KHDRBS2: variants seen among roughly 807,000 people sequenced by gnomAD.
KHDRBS2 encodes KH RNA binding domain containing, signal transduction associated 2, also known as KH domain-containing, RNA-binding, signal transduction-associated protein 2.
Under a neutral mutation model 44.3 loss-of-function variants are expected in KHDRBS2, and 26 were observed. The ratio of observed to expected loss-of-function variants is 0.59; its 90% CI spans 0.43 to 0.81. The LOEUF (loss-of-function observed/expected upper bound fraction) is 0.81. Among genes scored for constraint, KHDRBS2 ranks in the 40% least tolerant of loss-of-function variants. KHDRBS2 has a pLI of 0.00. For missense variants in KHDRBS2, 476 were observed against 433.1 expected (o/e 1.10, Z -0.88); for synonymous variants, 194 against 151.1 (o/e 1.28, Z -2.08).
chr6:61,836,835 G>A (rs1177901626), intron 6 of KHDRBS2, among the ~76,000 whole-genome samples: 2 of 152,000 alleles, frequency 1.3e-5, no homozygotes, highest in Non-Finnish European at 2.9e-5. Flanking sequence ...ATTACTTTTG[G>A]AGGCCAAAGT....
chr6:61,603,080 G>A, the KHDRBS2 span, among the ~76,000 whole-genome samples: 34 of 152,048 alleles, frequency 2.2e-4, no homozygotes, highest in African/African-American at 6.8e-4. Flanking sequence ...CCCTTACCCC[G>A]CTCAATGCCA....
chr6:61,715,701 G>A (rs1157281481), intron 7 of KHDRBS2, among the ~76,000 whole-genome samples: 4 of 151,714 alleles, frequency 2.6e-5, no homozygotes, highest in Non-Finnish European at 4.4e-5. Flanking sequence ...TTATTTGAGT[G>A]TCTCTCTTCT....
At chr6:61,810,225 G>C (rs189083673) in intron 6 of KHDRBS2, among the ~76,000 whole-genome samples, 1 of 151,978 alleles carries the variant, frequency 6.6e-6, no homozygotes, top group Admixed American at 6.6e-5. Flanking sequence ...TGAGAGCGAG[G>C]TCAGGTTACT....
intron 1 of KHDRBS2, among the ~76,000 whole-genome samples, chr6:62,282,719 T>G (rs1236158218): frequency 6.6e-6 from 1 of 152,182 alleles, no homozygotes; most frequent in Admixed American, 6.5e-5. Flanking sequence ...TATTAATCAT[T>G]AAACTAGGAA....
At chr6:62,014,076 T>C (rs1780773320) in intron 3 of KHDRBS2, among the ~76,000 whole-genome samples, 1 of 152,206 alleles carries the variant, frequency 6.6e-6, no homozygotes, top group South Asian at 2.1e-4. Context: ...CACTGATTAA[T>C]ATTTCTAAGA....
intron 4 of KHDRBS2, among the ~76,000 whole-genome samples, chr6:61,973,222 A>T (rs189153151): frequency 6.6e-6 from 1 of 152,330 alleles, no homozygotes; most frequent in South Asian, 2.1e-4. Context: ...TATATTTATC[A>T]TCTTCTAAAA....
intron 1 of KHDRBS2, among the ~76,000 whole-genome samples, chr6:62,226,720 C>T (rs1831900169): frequency 6.6e-6 from 1 of 152,076 alleles, no homozygotes; most frequent in Non-Finnish European, 1.5e-5. Context: ...AGGTAGGGGT[C>T]CAGTTTCAGT....
intron 1 of KHDRBS2, among the ~76,000 whole-genome samples, chr6:62,197,002 CAGTATAAAAATCACAGTGT>C (rs1825844829): frequency 6.6e-6 from 1 of 151,964 alleles, no homozygotes; most frequent in Non-Finnish European, 1.5e-5. Flanking sequence ...TCTAGCACTG[CAGTATAAAAATCACAGTGT>C]AGTATAAAAA....
chr6:61,560,622 A>T, the KHDRBS2 span, among the ~76,000 whole-genome samples: 1 of 152,064 alleles, frequency 6.6e-6, no homozygotes, highest in African/African-American at 2.4e-5. Flanking sequence ...TCAGTATTCC[A>T]ATTGCATTTT....
intron 6 of KHDRBS2, among the ~76,000 whole-genome samples, chr6:61,793,078 T>A (rs372192155): frequency 6.6e-6 from 1 of 152,108 alleles, no homozygotes; most frequent in South Asian, 2.1e-4. Context: ...AAGAAGAGAA[T>A]GCTCAGAAAC....
chr6:61,953,012 T>A (rs1765094383), intron 4 of KHDRBS2, among the ~76,000 whole-genome samples: 1 of 152,024 alleles, frequency 6.6e-6, no homozygotes, highest in African/African-American at 2.4e-5. Flanking sequence ...GTAAACATTT[T>A]AAATATATTA....
chr6:61,957,389 A>G (rs1384427003), intron 4 of KHDRBS2, among the ~76,000 whole-genome samples: 2 of 152,212 alleles, frequency 1.3e-5, no homozygotes, highest in Non-Finnish European at 2.9e-5. Context: ...GAACAGAGCC[A>G]TATTTCTCTT....
intron 3 of KHDRBS2, among the ~76,000 whole-genome samples, chr6:61,979,490 T>A (rs542492806): frequency 1.3e-5 from 2 of 152,254 alleles, no homozygotes; most frequent in Admixed American, 1.3e-4. Context: ...CCCATGTTAA[T>A]GTGAGTGTTT....
chr6:62,251,490 A>C (rs1836524163), intron 1 of KHDRBS2, among the ~76,000 whole-genome samples: 1 of 152,012 alleles, frequency 6.6e-6, no homozygotes, highest in African/African-American at 2.4e-5. Flanking sequence ...AACTGGATCC[A>C]TATCACATAG....
In KHDRBS2 at chr6:61,722,771, G is replaced by A. The variant is rs184121505; in HGVS notation, c.893+9911C>T. On this transcript the variant is annotated intron_variant, in intron 7 of 8. Coordinates refer to ENST00000281156, the MANE Select transcript of KHDRBS2 (RefSeq NM_152688.4). ...GTCACCCAGGCTGGAGTACAGTGGC[G>A]CGATCTTGGCTCACTCTAAGCTCCG... 1.7e-3 allele frequency among the ~76,000 whole-genome samples: 251 copies of A among 151,230 alleles called. 1 individual carries two copies. The East Asian group carries it at 0.032, about 19-fold the overall frequency.
intron 2 of KHDRBS2, among the ~76,000 whole-genome samples, chr6:62,054,852 T>C (rs1430290951): frequency 6.6e-6 from 1 of 152,046 alleles, no homozygotes. Context: ...TTTTAAGCCA[T>C]GAAGTTTAAG....
At chr6:61,773,377 T>C (rs1453656377) in intron 6 of KHDRBS2, among the ~76,000 whole-genome samples, 5 of 151,798 alleles carry the variant, frequency 3.3e-5, no homozygotes, top group Non-Finnish European at 7.4e-5. Flanking sequence ...TGATTTGCAT[T>C]TCTCTGATGG....
chr6:61,809,156 A>G (rs1381517992), intron 6 of KHDRBS2, among the ~76,000 whole-genome samples: 1 of 152,130 alleles, frequency 6.6e-6, no homozygotes, highest in African/African-American at 2.4e-5. Context: ...CTATATTTGC[A>G]GAAGTCAAAT....
chr6:62,205,401 A>AT (rs1491262228), intron 1 of KHDRBS2, among the ~76,000 whole-genome samples: 1 of 152,132 alleles, frequency 6.6e-6, no homozygotes, highest in Non-Finnish European at 1.5e-5. Context: ...CTCAGCCACC[A>AT]TATCTTTCCT....
Sources: gnomAD v4.1 joint callset for allele counts (sites outside exome capture counted in the v4.1 genomes callset) on GRCh38, gnomAD v4.1.1 for gene constraint, MANE v1.5 for transcripts, NCBI Gene and HGNC (gene_info 2026-07-23, HGNC 2026-07-21) for gene names.